C12orf42: variants seen among roughly 807,000 people sequenced by gnomAD.
C12orf42 encodes chromosome 12 open reading frame 42, also known as uncharacterized protein C12orf42.
A neutral mutation model predicts 21.6 loss-of-function variants in C12orf42; 25 were observed. The observed-to-expected ratio is 1.16, with a 90% confidence interval of 0.84 to 1.62. The LOEUF (loss-of-function observed/expected upper bound fraction) is 1.62. Among genes scored for constraint, C12orf42 ranks in the 40% most tolerant of loss-of-function variants. The probability of loss-of-function intolerance (pLI) is 0.00; values close to 1 mark genes in which losing one functional copy is unlikely to be tolerated. For synonymous variants in C12orf42, 174 were observed against 175.0 expected (o/e 0.99, Z 0.05); for missense variants, 483 against 459.3 (o/e 1.05, Z -0.47).
chr12:103,091,533 A>C, the C12orf42 span, among the ~76,000 whole-genome samples: 1 of 152,226 alleles, frequency 6.6e-6, no homozygotes, highest in African/African-American at 2.4e-5. Flanking sequence ...AGGAGAAAGA[A>C]ACAGAAAACA....
intron 2 of C12orf42, among the ~76,000 whole-genome samples, chr12:103,403,073 A>G (rs1428938263): frequency 6.6e-6 from 1 of 152,120 alleles, no homozygotes; most frequent in Non-Finnish European, 1.5e-5. Flanking sequence ...GCATCCAATC[A>G]ATGCACTTAA....
chr12:103,476,527 C>A (rs1453910486), intron 2 of C12orf42, among the ~76,000 whole-genome samples: 2 of 152,310 alleles, frequency 1.3e-5, no homozygotes, highest in Non-Finnish European at 2.9e-5. Flanking sequence ...GTTCATATAT[C>A]CATCCTGATA....
chr12:103,331,000 T>C (rs1471438444), intron 4 of C12orf42, among the ~76,000 whole-genome samples: 1 of 152,228 alleles, frequency 6.6e-6, no homozygotes, highest in African/African-American at 2.4e-5. Context: ...TAACTGCTAA[T>C]ACATGGCTTT....
At chr12:103,079,703 A>G in the C12orf42 span, among the ~76,000 whole-genome samples, 1 of 152,218 alleles carries the variant, frequency 6.6e-6, no homozygotes, top group Non-Finnish European at 1.5e-5. Flanking sequence ...TTGGCAAGGA[A>G]GCTTTGCTTA....
At chr12:103,435,387 C>T (rs948966252) in intron 2 of C12orf42, among the ~76,000 whole-genome samples, 26 of 152,320 alleles carry the variant, frequency 1.7e-4, no homozygotes, top group African/African-American at 5.8e-4. Flanking sequence ...AGCAACGGAA[C>T]AAAGCTGGAT....
the C12orf42 span, among the ~76,000 whole-genome samples, chr12:103,194,114 A>G: frequency 6.8e-6 from 1 of 147,710 alleles, no homozygotes; most frequent in East Asian, 2.0e-4. Context: ...CATTTGAAAA[A>G]AGTTAACATC....
At chr12:103,314,683 A>G (rs2039290294) in intron 4 of C12orf42, among the ~76,000 whole-genome samples, 1 of 152,192 alleles carries the variant, frequency 6.6e-6, no homozygotes, top group South Asian at 2.1e-4. Context: ...ACTGTGAAAC[A>G]TGGCCAGGGA....
At position 103,367,983 on chromosome 12, in the gene C12orf42, C is replaced by T. The variant is rs557590358; in HGVS notation, c.259+904G>A. The T allele has an allele frequency of 8.3e-5, 82 of 987,578 alleles. 3 individuals are homozygous for T. The highest frequency in any genetic ancestry group is 7.4e-4 in the South Asian group (52 of 70,012). 61.2% of individuals were successfully genotyped at this position (987,578 alleles called of 1,614,324 possible). A position where few individuals can be genotyped will look rare whatever the true frequency, so the allele number is the denominator to read the frequency against. ...ATGAATAAACACATTCAAAATAATG[C>T]GTTGTTCAAATGAAAATGTAGCAGT... On this transcript the variant is annotated intron_variant, in intron 4 of 5. Transcript: ENST00000548883.
the C12orf42 span, among the ~76,000 whole-genome samples, chr12:103,523,551 CTATATATG>C: frequency 1.3e-5 from 2 of 150,954 alleles, no homozygotes; most frequent in Admixed American, 1.3e-4. Flanking sequence ...TCAAATGTCT[CTATATATG>C]TATATATAGT....
At chr12:103,128,735 T>G in the C12orf42 span, among the ~76,000 whole-genome samples, 1 of 152,236 alleles carries the variant, frequency 6.6e-6, no homozygotes, top group Non-Finnish European at 1.5e-5. Context: ...TTCATCATCA[T>G]CATTGTCATT....
chr12:103,052,030 G>T, the C12orf42 span, among the ~76,000 whole-genome samples: 1 of 152,088 alleles, frequency 6.6e-6, no homozygotes, highest in Admixed American at 6.5e-5. Context: ...GTTGTTTTGT[G>T]TAGCAATAGT....
the C12orf42 span, among the ~76,000 whole-genome samples, chr12:103,083,473 C>A: frequency 6.6e-6 from 1 of 152,096 alleles, no homozygotes; most frequent in Non-Finnish European, 1.5e-5. Context: ...AAATTCATTC[C>A]CCAAAAAATG....
the C12orf42 span, among the ~76,000 whole-genome samples, chr12:103,142,611 C>T: frequency 6.6e-6 from 1 of 152,112 alleles, no homozygotes; most frequent in Non-Finnish European, 1.5e-5. Context: ...ATTTTACCCA[C>T]CTCTTTGAAC....
At chr12:103,274,025 C>A in intron 5 of C12orf42, 1 of 439,642 alleles carries the variant, frequency 2.3e-6, no homozygotes, top group Non-Finnish European at 4.6e-6. Context: ...TAGTTCCTCT[C>A]TGCCTTTCAG....
the C12orf42 span, among the ~76,000 whole-genome samples, chr12:103,084,261 G>A: frequency 6.6e-5 from 10 of 152,182 alleles, no homozygotes; most frequent in South Asian, 2.1e-3. Flanking sequence ...CAATATTCTA[G>A]CAGAAAACAA....
chr12:103,237,892 T>A (rs768058698), exon 11 of C12orf42: 4 of 152,152 alleles, frequency 2.6e-5, no homozygotes, highest in Non-Finnish European at 4.4e-5. Flanking sequence ...ACAAAGAAAG[T>A]CACAGGAAAC....
At chr12:103,117,980 T>A in the C12orf42 span, among the ~76,000 whole-genome samples, 1 of 152,236 alleles carries the variant, frequency 6.6e-6, no homozygotes, top group African/African-American at 2.4e-5. Flanking sequence ...GTAAAAATGC[T>A]TTATGAATTA....
exon 7 of C12orf42, chr12:103,268,934 G>T (rs1459999136): frequency 6.6e-6 from 1 of 152,096 alleles, no homozygotes; most frequent in Non-Finnish European, 1.5e-5. Context: ...TTTCTTTCAA[G>T]AAGGCAGGTG....
chr12:103,189,971 G>GTATATATATATA, the C12orf42 span, among the ~76,000 whole-genome samples: 66 of 150,888 alleles, frequency 4.4e-4, 1 homozygote, highest in South Asian at 7.4e-3. Context: ...ATATACATGT[G>GTATATATATATA]TATATATATA....
Sources: gnomAD v4.1 joint callset for allele counts (sites outside exome capture counted in the v4.1 genomes callset) on GRCh38, gnomAD v4.1.1 for gene constraint, MANE v1.5 for transcripts, NCBI Gene and HGNC (gene_info 2026-07-23, HGNC 2026-07-21) for gene names.